Variants in HHAT observed in about 807,000 individuals in gnomAD.
HHAT encodes hedgehog acyltransferase, also known as protein-cysteine N-palmitoyltransferase HHAT.
Under a neutral mutation model 70.8 loss-of-function variants are expected in HHAT, and 47 were observed. The ratio of observed to expected loss-of-function variants is 0.66; its 90% CI spans 0.53 to 0.85. The LOEUF is 0.85. Ranked by LOEUF, HHAT falls within the 40% of genes least tolerant of loss-of-function variation. The probability of loss-of-function intolerance (pLI) is 0.00; values close to 1 mark genes in which losing one functional copy is unlikely to be tolerated. For missense variants in HHAT, 609 were observed against 604.8 expected, an observed-to-expected ratio of 1.01 and a Z score of -0.07; for synonymous variants, 228 against 247.6, an observed-to-expected ratio of 0.92 and a Z score of 0.74.
chr1:210,586,053 G>A (rs963119010), intron 9 of HHAT, among the ~76,000 whole-genome samples: 1 of 152,190 alleles, frequency 6.6e-6, no homozygotes, highest in Non-Finnish European at 1.5e-5. Context: ...TAGTCAAGGA[G>A]AGAGTCTTTG....
At chr1:210,621,459 A>T (rs1668816529) in intron 10 of HHAT, among the ~76,000 whole-genome samples, 1 of 152,074 alleles carries the variant, frequency 6.6e-6, no homozygotes, top group Non-Finnish European at 1.5e-5. Flanking sequence ...TATTTTCTTA[A>T]TCCATTTTGG....
chr1:210,618,623 C>A (rs1307133984), intron 10 of HHAT, among the ~76,000 whole-genome samples: 1 of 152,096 alleles, frequency 6.6e-6, no homozygotes, highest in East Asian at 1.9e-4. Context: ...GTCTCAGCCC[C>A]ACATGCAGCC....
chr1:210,553,258 A>C (rs917632730), intron 9 of HHAT, among the ~76,000 whole-genome samples: 2 of 152,106 alleles, frequency 1.3e-5, no homozygotes, highest in Admixed American at 1.3e-4. Flanking sequence ...CCCCAAGCTG[A>C]ATTTTCAGGG....
intron 7 of HHAT, chr1:210,462,892 C>T (rs2094008534): frequency 6.6e-6 from 1 of 152,206 alleles, no homozygotes; most frequent in Non-Finnish European, 1.5e-5. Flanking sequence ...CTGCTAGTAC[C>T]TCTCTGAAGC....
intron 1 of HHAT, among the ~76,000 whole-genome samples, chr1:210,338,850 T>A (rs916764059): frequency 6.6e-6 from 1 of 152,180 alleles, no homozygotes; most frequent in Non-Finnish European, 1.5e-5. Context: ...GAAATCTGTA[T>A]TTTTTAGAAA....
At chr1:210,368,245 T>C (rs2089204914) in intron 3 of HHAT, among the ~76,000 whole-genome samples, 1 of 152,116 alleles carries the variant, frequency 6.6e-6, no homozygotes, top group Admixed American at 6.5e-5. Context: ...AGGTTTGGAG[T>C]TGGATGGGCT....
At chr1:210,377,122 T>C (rs978911415) in intron 3 of HHAT, among the ~76,000 whole-genome samples, 3 of 152,222 alleles carry the variant, frequency 2.0e-5, no homozygotes, top group African/African-American at 7.2e-5. Flanking sequence ...GCTGGGGATC[T>C]TTTTTCCTTC....
intron 11 of HHAT, among the ~76,000 whole-genome samples, chr1:210,633,887 G>C (rs1385834279): frequency 6.6e-6 from 1 of 152,180 alleles, no homozygotes; most frequent in East Asian, 1.9e-4. Context: ...GGCTATTGTA[G>C]CGTGCCAGCT....
chr1:210,487,972 T>G (rs1235659374), intron 8 of HHAT, among the ~76,000 whole-genome samples: 1 of 152,204 alleles, frequency 6.6e-6, no homozygotes, highest in Non-Finnish European at 1.5e-5. Context: ...CCTATTCTTC[T>G]CTGTAGCTCA....
intron 2 of HHAT, among the ~76,000 whole-genome samples, chr1:210,360,312 T>TG (rs199824068): frequency 0.11 from 16,125 of 151,938 alleles, 1,042 homozygotes; most frequent in Non-Finnish European, 0.15. Flanking sequence ...GTGTTTTTTT[T>TG]TTTTTGTTTT....
chr1:210,563,447 T>C (rs907020876), intron 9 of HHAT, among the ~76,000 whole-genome samples: 3 of 152,188 alleles, frequency 2.0e-5, no homozygotes, highest in African/African-American at 7.2e-5. Flanking sequence ...AGGCAGTTTA[T>C]GGGATAGTGG....
rs527248548 is a variant in HHAT, at chr1:210,562,925, C to G, written c.1044-24973C>G. On this transcript the variant is annotated intron_variant, in intron 9 of 11. Transcript: ENST00000261458. ...GCGGTGTTTGGTTTTTTTGTCCTTG[C>G]GATAGTTTGCTGAAAATGATGGTTT... Among the ~76,000 whole-genome samples, 4 of 150,694 alleles carry G rather than the reference C, an allele frequency of 2.7e-5. No individual in the cohort carries two copies. The Admixed American group carries it at 2.7e-4, about 10-fold the overall frequency.
chr1:210,568,218 T>C (rs1480385264), intron 9 of HHAT, among the ~76,000 whole-genome samples: 2 of 152,252 alleles, frequency 1.3e-5, no homozygotes, highest in East Asian at 1.9e-4. Context: ...TCCAGATAGC[T>C]AAACATGTGA....
At chr1:210,591,692 T>C (rs1217710074) in intron 10 of HHAT, among the ~76,000 whole-genome samples, 2 of 152,112 alleles carry the variant, frequency 1.3e-5, no homozygotes, top group Non-Finnish European at 2.9e-5. Flanking sequence ...TGCCCTTTTC[T>C]CCACATCCTT....
chr1:210,336,736 A>T (rs1253188456), intron 1 of HHAT, among the ~76,000 whole-genome samples: 3 of 152,168 alleles, frequency 2.0e-5, no homozygotes, highest in African/African-American at 7.2e-5. Flanking sequence ...ATGAGCTATG[A>T]TCATGCCATG....
intron 1 of HHAT, among the ~76,000 whole-genome samples, chr1:210,342,602 C>G (rs2086136699): frequency 6.6e-6 from 1 of 152,212 alleles, no homozygotes; most frequent in South Asian, 2.1e-4. Context: ...TCTAGGCTAT[C>G]TCACAGCTAC....
At chr1:210,627,203 C>T (rs4951675) in intron 11 of HHAT, among the ~76,000 whole-genome samples, 36,697 of 151,944 alleles carry the variant, frequency 0.24, 4,877 homozygotes, top group Non-Finnish European at 0.3. Context: ...AAGGGGCAGA[C>T]GGGTATCTAG....
chr1:210,422,524 C>G (rs2092933932), intron 7 of HHAT, among the ~76,000 whole-genome samples: 1 of 152,174 alleles, frequency 6.6e-6, no homozygotes, highest in African/African-American at 2.4e-5. Context: ...CTGTTTCTAG[C>G]TTATTTCACT....
chr1:210,545,225 G>A (rs914610387), intron 9 of HHAT, among the ~76,000 whole-genome samples: 5 of 152,022 alleles, frequency 3.3e-5, no homozygotes, highest in East Asian at 1.9e-4. Flanking sequence ...CTTACCTCTC[G>A]TACCTCTGCA....
Sources: allele counts gnomAD v4.1 joint callset (sites outside exome capture counted in the v4.1 genomes callset), GRCh38; gene constraint gnomAD v4.1.1; transcripts MANE v1.5; gene names NCBI Gene and HGNC (gene_info 2026-07-23, HGNC 2026-07-21).